The following FOXJ3 variants were observed in gnomAD, a reference collection of about 807,000 sequenced individuals.
FOXJ3 encodes the protein forkhead box protein J3.
In FOXJ3, 22 loss-of-function variants were observed where a neutral mutation model predicts 76.1. The ratio of observed to expected loss-of-function variants is 0.29; its 90% CI spans 0.21 to 0.41. FOXJ3 has a LOEUF of 0.41. FOXJ3 is among the 10% of genes least tolerant of loss of function. The pLI is 1.00. For missense variants in FOXJ3, 613 were observed against 762.1 expected (o/e 0.80, Z 2.30); for synonymous variants, 269 against 261.2 (o/e 1.03, Z -0.29).
At chr1:42,193,341 A>G (rs1231645739) in intron 8 of FOXJ3, among the ~76,000 whole-genome samples, 1 of 152,002 alleles carries the variant, frequency 6.6e-6, no homozygotes, top group East Asian at 1.9e-4. Flanking sequence ...ATGAGAAGTA[A>G]ACTCAGTTGA....
chr1:42,324,324 T>TATAA (rs1655693271), intron 1 of FOXJ3, among the ~76,000 whole-genome samples: 1 of 133,216 alleles, frequency 7.5e-6, no homozygotes, highest in African/African-American at 3.2e-5. Flanking sequence ...ATACACGAGA[T>TATAA]ATATAACATA....
At chr1:42,245,748 G>C (rs1257425287) in intron 4 of FOXJ3, among the ~76,000 whole-genome samples, 1 of 152,062 alleles carries the variant, frequency 6.6e-6, no homozygotes, top group Non-Finnish European at 1.5e-5. Context: ...TCCTCTAAAA[G>C]CTGGTCAAGA....
intron 1 of FOXJ3, among the ~76,000 whole-genome samples, chr1:42,331,956 CT>C (rs1446643337): frequency 6.6e-6 from 1 of 152,132 alleles, no homozygotes; most frequent in Non-Finnish European, 1.5e-5. Context: ...ACTAATGTCT[CT>C]ACAAATCCTG....
intron 4 of FOXJ3, among the ~76,000 whole-genome samples, chr1:42,229,180 G>C (rs566574421): frequency 3.9e-5 from 6 of 152,028 alleles, no homozygotes; most frequent in Non-Finnish European, 7.4e-5. Flanking sequence ...TTTTCTGACC[G>C]TCCTGCCATA....
At chr1:42,316,720 T>G (rs946570663) in intron 1 of FOXJ3, among the ~76,000 whole-genome samples, 1 of 152,186 alleles carries the variant, frequency 6.6e-6, no homozygotes, top group Non-Finnish European at 1.5e-5. Context: ...AAAGCATTAG[T>G]GTAACACCAG....
chr1:42,227,127 C>T (rs1037373621), intron 5 of FOXJ3, among the ~76,000 whole-genome samples: 1 of 152,112 alleles, frequency 6.6e-6, no homozygotes, highest in Non-Finnish European at 1.5e-5. Context: ...TAAGAAATTC[C>T]ATAAAAGAGT....
chr1:42,250,608 G>C (rs1649946862), intron 4 of FOXJ3, among the ~76,000 whole-genome samples: 1 of 151,986 alleles, frequency 6.6e-6, no homozygotes, highest in African/African-American at 2.4e-5. Flanking sequence ...CCTGAGGTCG[G>C]CAGTTTGAGA....
chr1:42,278,600 G>GA lies in FOXJ3; in HGVS notation c.116dup (p.Gln40ProfsTer4). The GA allele has an allele frequency of 6.2e-7, 1 of 1,614,078 alleles. No homozygotes were observed. Among genetic ancestry groups the GA allele is most frequent in the Non-Finnish European group, 8.5e-7 (1 of 1,179,998 alleles). ...CATTTTGTGTAGCATCAGATTTTTG[G>GA]ATGGCTGCTCTCATGGTGAGCTGTG... On this transcript the variant is annotated frameshift_variant, in exon 3 of 13. Transcript: ENST00000361346. LOFTEE classifies it high-confidence loss of function.
intron 3 of FOXJ3, among the ~76,000 whole-genome samples, chr1:42,267,711 G>GA (rs1030111585): frequency 6.6e-6 from 1 of 151,882 alleles, no homozygotes; most frequent in Non-Finnish European, 1.5e-5. Context: ...GGGTCTAGCA[G>GA]AAAAAAAGTG....
At chr1:42,284,049 T>C (rs1420468563) in intron 2 of FOXJ3, among the ~76,000 whole-genome samples, 2 of 152,130 alleles carry the variant, frequency 1.3e-5, no homozygotes, top group Non-Finnish European at 2.9e-5. Flanking sequence ...ATTTTTTTTG[T>C]GAAGTAGATT....
intron 3 of FOXJ3, among the ~76,000 whole-genome samples, chr1:42,271,084 T>C (rs1004075717): frequency 2.0e-5 from 3 of 152,194 alleles, no homozygotes; most frequent in African/African-American, 7.2e-5. Flanking sequence ...AGATAGAGAC[T>C]GCCTCTACTG....
intron 2 of FOXJ3, among the ~76,000 whole-genome samples, chr1:42,285,084 A>G (rs2124690912): frequency 6.6e-6 from 1 of 152,236 alleles, no homozygotes; most frequent in East Asian, 1.9e-4. Context: ...GTTTATTTTC[A>G]ATCTTTTGTA....
chr1:42,314,942 TAAAC>T (rs1477678760), intron 1 of FOXJ3, among the ~76,000 whole-genome samples: 2 of 152,166 alleles, frequency 1.3e-5, no homozygotes, highest in Admixed American at 6.5e-5. Flanking sequence ...AATGAACAGA[TAAAC>T]AAAGTATGGT....
At chr1:42,194,667 T>C (rs527876814) in intron 8 of FOXJ3, among the ~76,000 whole-genome samples, 147 of 152,338 alleles carry the variant, frequency 9.6e-4, no homozygotes, top group Non-Finnish European at 1.9e-3. Flanking sequence ...TGGATGCCAC[T>C]AGTAAACAAG....
intron 4 of FOXJ3, among the ~76,000 whole-genome samples, chr1:42,234,970 C>G (rs563565969): frequency 6.6e-5 from 10 of 152,322 alleles, no homozygotes; most frequent in East Asian, 1.9e-4. Context: ...GATTCTGCTG[C>G]CATTTGTTTG....
intron 2 of FOXJ3, among the ~76,000 whole-genome samples, chr1:42,297,696 G>A (rs1653876162): frequency 6.6e-6 from 1 of 152,088 alleles, no homozygotes; most frequent in African/African-American, 2.4e-5. Context: ...GTTCATTAGG[G>A]ATATTGGCCT....
chr1:42,323,060 G>A (rs546154001), intron 1 of FOXJ3, among the ~76,000 whole-genome samples: 6 of 152,258 alleles, frequency 3.9e-5, no homozygotes, highest in African/African-American at 1.4e-4. Context: ...TCAAACTAGT[G>A]AGGGATCAGA....
intron 4 of FOXJ3, among the ~76,000 whole-genome samples, chr1:42,228,780 A>C (rs1647809855): frequency 6.6e-6 from 1 of 152,096 alleles, no homozygotes; most frequent in African/African-American, 2.4e-5. Flanking sequence ...CACATGGGGG[A>C]GGAAAGCATG....
chr1:42,259,361 T>G (rs535987253), intron 4 of FOXJ3, among the ~76,000 whole-genome samples: 1 of 152,340 alleles, frequency 6.6e-6, no homozygotes, highest in South Asian at 2.1e-4. Flanking sequence ...AGAGTAAATT[T>G]CACCATATAT....
Sources: gnomAD v4.1 joint callset for allele counts (sites outside exome capture counted in the v4.1 genomes callset) on GRCh38, gnomAD v4.1.1 for gene constraint, MANE v1.5 for transcripts, NCBI Gene and HGNC (gene_info 2026-07-23, HGNC 2026-07-21) for gene names.